The following PARP4 variants were observed in gnomAD, a reference collection of about 807,000 sequenced individuals.
The protein encoded by PARP4 is protein mono-ADP-ribosyltransferase PARP4.
In PARP4, 120 loss-of-function variants were observed where a neutral mutation model predicts 187.7. The ratio of observed to expected loss-of-function variants is 0.64; its 90% CI spans 0.55 to 0.74. The LOEUF (loss-of-function observed/expected upper bound fraction) is 0.74. Among genes scored for constraint, PARP4 ranks in the 30% least tolerant of loss-of-function variants. The pLI, the probability that PARP4 is intolerant of heterozygous loss-of-function variation, is 0.00. For missense variants in PARP4, 1,836 were observed against 2,070.5 expected, an observed-to-expected ratio of 0.89 and a Z score of 2.20; for synonymous variants, 654 against 740.9, an observed-to-expected ratio of 0.88 and a Z score of 1.90.
chr13:24,501,986 T>C (rs2137544855), intron 2 of PARP4, 152 bp from the exon 3 acceptor site: 1 of 588,918 alleles, frequency 1.7e-6, no homozygotes. Flanking sequence ...TATCACAGTT[T>C]CTAGTTACAT....
rs566106856 is a variant in PARP4, at chr13:24,507,033, C to T, written c.-1-3256G>A. 4.0e-3 allele frequency among the ~76,000 whole-genome samples: 609 copies of T among 152,316 alleles called. 10 individuals are homozygous for T. Among genetic ancestry groups the T allele is most frequent in the African/African-American group, 0.014 (582 of 41,568 alleles). ...CTGCTGGGGTACCCGGCACACCCTCCGCTGCTGCTGGCCCGGACGCTAAGC... is the reference window on the plus strand; with the variant it reads ...CTGCTGGGGTACCCGGCACACCCTCTGCTGCTGCTGGCCCGGACGCTAAGC... On this transcript the variant is annotated intron_variant, in intron 1 of 33. Transcript: ENST00000381989.
intron 15 of PARP4, among the ~76,000 whole-genome samples, chr13:24,474,687 G>A (rs1872894429): frequency 6.6e-6 from 1 of 152,132 alleles, no homozygotes; most frequent in Admixed American, 6.5e-5. Context: ...TCCATCCAGA[G>A]TCTGCTTTCT....
intron 25 of PARP4, 112 bp downstream of exon 25, chr13:24,449,606 T>C: frequency 1.6e-6 from 1 of 640,116 alleles, no homozygotes; most frequent in South Asian, 1.9e-5. Context: ...AGTGCTTGCC[T>C]CTTTACGGCT....
intron 15 of PARP4, among the ~76,000 whole-genome samples, chr13:24,471,096 G>T (rs1236641508): frequency 6.6e-6 from 1 of 152,224 alleles, no homozygotes; most frequent in African/African-American, 2.4e-5. Context: ...GGAGGCACCA[G>T]GACTGGGGCC....
At chr13:24,501,566 C>T in intron 3 of PARP4, 67 bp downstream of exon 3, 1 of 1,076,436 alleles carries the variant, frequency 9.3e-7, no homozygotes. Context: ...CCTATGGTAT[C>T]TTTGACAAAC....
intron 6 of PARP4, 47 bp downstream of exon 6, chr13:24,498,069 T>A (rs751835719): frequency 1.6e-5 from 21 of 1,320,516 alleles, no homozygotes; most frequent in Non-Finnish European, 2.2e-5. Context: ...AAATGAGTTA[T>A]GAACAGAGGT....
intron 30 of PARP4, among the ~76,000 whole-genome samples, chr13:24,439,720 C>T (rs1013582710): frequency 1.3e-5 from 2 of 152,224 alleles, no homozygotes; most frequent in Admixed American, 1.3e-4. Context: ...TTTCCAGGGC[C>T]CATTTTAACA....
chr13:24,507,302 G>A (rs1052648811), intron 1 of PARP4, among the ~76,000 whole-genome samples: 1 of 152,240 alleles, frequency 6.6e-6, no homozygotes, highest in Non-Finnish European at 1.5e-5. Flanking sequence ...GCCAGCGAGG[G>A]CTGCAAGGGC....
intron 10 of PARP4, among the ~76,000 whole-genome samples, chr13:24,489,570 C>T (rs1414932100): frequency 6.6e-6 from 1 of 152,156 alleles, no homozygotes; most frequent in Admixed American, 6.5e-5. Context: ...GATCGCGTCA[C>T]TGCACTCCAG....
At chr13:24,427,559 A>T (rs909497143) in intron 32 of PARP4, among the ~76,000 whole-genome samples, 3 of 152,166 alleles carry the variant, frequency 2.0e-5, no homozygotes, top group African/African-American at 4.8e-5. Flanking sequence ...AGGGAAGAAA[A>T]GAAAAACCCA....
At chr13:24,440,419 TA>T (rs71070698) in intron 30 of PARP4, among the ~76,000 whole-genome samples, 67,079 of 126,110 alleles carry the variant, frequency 0.53, 16,987 homozygotes, top group South Asian at 0.62. Context: ...AAATTAAAAT[TA>T]AAAAAAAAAA....
intron 1 of PARP4, among the ~76,000 whole-genome samples, chr13:24,504,296 G>C (rs1869479554): frequency 6.9e-6 from 1 of 145,178 alleles, no homozygotes. Flanking sequence ...TATATATTCT[G>C]CATTTAGGTT....
intron 4 of PARP4, among the ~76,000 whole-genome samples, chr13:24,500,067 C>T (rs1593653210): frequency 6.7e-6 from 1 of 149,974 alleles, no homozygotes; most frequent in Non-Finnish European, 1.5e-5. Flanking sequence ...AAAAAAAAAA[C>T]CCACTGGTTT....
chr13:24,510,553 C>CAAAAAAAAAAA lies in PARP4; in HGVS notation c.-2+2142_-2+2152dup, dbSNP rs61708412. Among the ~76,000 whole-genome samples, 118 of 89,140 alleles carry CAAAAAAAAAAA rather than the reference C, an allele frequency of 1.3e-3. 2 individuals are homozygous for CAAAAAAAAAAA. The highest frequency in any genetic ancestry group is 5.5e-3 in the Middle Eastern group (1 of 182). The allele number at this position is 89,140 out of a possible 152,430, so 58.5% of individuals were successfully genotyped here. On this transcript the variant is annotated intron_variant, in intron 1 of 33. Transcript: ENST00000381989. Reference sequence around the variant, plus strand: ...TGGGCGACAGAGCGAGACTCCGTCTCAAAAAAAAAAAAAAAAAAGTGTTCA... The same window carrying CAAAAAAAAAAA: ...TGGGCGACAGAGCGAGACTCCGTCTCAAAAAAAAAAAAAAAAAAAAAAAAAAAAAGTGTTCA...
chr13:24,453,986 A>G (rs12323013), intron 22 of PARP4, among the ~76,000 whole-genome samples: 8,102 of 151,886 alleles, frequency 0.053, 702 homozygotes, highest in African/African-American at 0.18. Context: ...TGTGGTGGTG[A>G]GCACTGTAAT....
chr13:24,499,261 G>GGT, intron 5 of PARP4, 40 bp downstream of exon 5: 2 of 1,329,754 alleles, frequency 1.5e-6, no homozygotes, highest in East Asian at 2.8e-5. Flanking sequence ...AAACAGGTGT[G>GGT]TTTTTTTTTT....
chr13:24,445,045 C>A (rs1179313010), intron 27 of PARP4, among the ~76,000 whole-genome samples: 1 of 152,126 alleles, frequency 6.6e-6, no homozygotes, highest in Non-Finnish European at 1.5e-5. Context: ...TTCCCCTCAC[C>A]CTCCCACAAC....
At chr13:24,486,126 G>C in intron 11 of PARP4, 42 bp downstream of exon 11, 1 of 1,561,342 alleles carries the variant, frequency 6.4e-7, no homozygotes, top group Middle Eastern at 1.7e-4. Context: ...CTTCACATTT[G>C]TGAGCCTGAA....
At chr13:24,504,771 G>A (rs1035388427) in intron 1 of PARP4, among the ~76,000 whole-genome samples, 1 of 149,982 alleles carries the variant, frequency 6.7e-6, no homozygotes, top group South Asian at 2.1e-4. Context: ...TTGGCTTACT[G>A]CAACCTCCAC....
Sources: allele counts gnomAD v4.1 joint callset (sites outside exome capture counted in the v4.1 genomes callset), GRCh38; gene constraint gnomAD v4.1.1; transcripts MANE v1.5; gene names NCBI Gene and HGNC (gene_info 2026-07-23, HGNC 2026-07-21).